The following RYR1 variants were observed in gnomAD, a reference collection of about 807,000 sequenced individuals.
RYR1 encodes the protein central core disease of muscle.
A neutral mutation model predicts 583.5 loss-of-function variants in RYR1; 342 were observed. The ratio of observed to expected loss-of-function variants is 0.59; its 90% CI spans 0.54 to 0.64. RYR1 has a LOEUF of 0.64. RYR1 is among the 30% of genes least tolerant of loss of function. The pLI, the probability that RYR1 is intolerant of heterozygous loss-of-function variation, is 0.00. For missense variants in RYR1, 6,032 were observed against 6,917.2 expected (o/e 0.87, Z 4.54); for synonymous variants, 2,791 against 2,822.5 (o/e 0.99, Z 0.35).
At chr19:38,494,106 C>A (rs952619297) in intron 38 of RYR1, among the ~76,000 whole-genome samples, 11 of 152,072 alleles carry the variant, frequency 7.2e-5, no homozygotes, top group African/African-American at 2.7e-4. Flanking sequence ...GAGTTCGAGG[C>A]TGAAGTGAGC....
intron 84 of RYR1, among the ~76,000 whole-genome samples, chr19:38,538,399 C>CA (rs928638972): frequency 1.9e-4 from 29 of 151,016 alleles, no homozygotes; most frequent in African/African-American, 6.3e-4. Flanking sequence ...AACTCCATCT[C>CA]AAAAAAAAAC....
In RYR1 at chr19:38,444,653, C is replaced by G; in HGVS notation, c.607C>G (p.Pro203Ala). 6.2e-7 allele frequency: 1 copy of G among 1,613,830 alleles called. No individual in the cohort carries two copies. The highest frequency in any genetic ancestry group is 8.5e-7 in the Non-Finnish European group (1 of 1,179,866). The change falls in exon 7 of 106, where the codon CCC (proline) becomes GCC (alanine). Residue 203 changes from proline (P) to alanine (A), a missense_variant. This residue lies in a region of RYR1 where 338 missense variants were observed against 441.6 expected (regional missense o/e 0.77). Coordinates refer to ENST00000359596, the MANE Select transcript of RYR1 (RefSeq NM_000540.3). The surrounding 1 kb of genome is among the most constrained non-coding windows in gnomAD (Gnocchi z 5.1). ...CATGCAGACACTATGGAACATGAAC[C>G]CCATCTGCTCCCGCTGCGAAGAGGG... ...SFMQTLWNMN[P>A]ICSRCEEGFV...
chr19:38,564,952 G>T lies in RYR1; in HGVS notation c.12625-7G>T. ...CGCCCTATCCTGTCTGCCGCCCCTC[G>T]CTTCAGGTGAAGGAGTCCAAGCGCC... On this transcript the variant is annotated splice_region_variant and splice_polypyrimidine_tract_variant and intron_variant, in intron 90 of 105. Coordinates refer to ENST00000359596, the MANE Select transcript of RYR1 (RefSeq NM_000540.3). 1 of 1,573,636 alleles carries T rather than the reference G, an allele frequency of 6.4e-7. No individual in the cohort carries two copies. The highest frequency in any genetic ancestry group is 8.6e-7 in the Non-Finnish European group (1 of 1,160,848).
At chr19:38,586,741 C>T (rs992871418) in intron 105 of RYR1, among the ~76,000 whole-genome samples, 165 bp downstream of exon 105, 10 of 151,988 alleles carry the variant, frequency 6.6e-5, no homozygotes, top group South Asian at 2.1e-4. Flanking sequence ...GAGGCCAAGG[C>T]GGGTGGATTA....
Position 38,455,575 on chromosome 19 carries a change from G to C in RYR1, c.1672+29G>C, listed in dbSNP as rs2288889. On this transcript the variant is annotated intron_variant, in intron 15 of 105. Transcript: ENST00000359596. ...GGAGAACCCGGGGGAGTGGGACAGA[G>C]GCTTGTGGGAGGGGATGGGCATGGC... is the stretch of plus-strand genomic sequence containing the variant. 0.65 allele frequency: 1,053,758 copies of C among 1,611,946 alleles called. 347,871 individuals carry two copies. Among genetic ancestry groups the C allele is most frequent in the Admixed American group, 0.7 (41,726 of 59,980 alleles).
rs769759747 is a variant in RYR1 at position 38,511,733 on chromosome 19, G to A, written c.9172+123G>A. ...GTTGTTTTCTTCCCCTGGACCTGGAGACATGGACCAGGTATCCGGGGGGTA... is the reference window on the plus strand; with the variant it reads ...GTTGTTTTCTTCCCCTGGACCTGGAAACATGGACCAGGTATCCGGGGGGTA... On this transcript the variant is annotated intron_variant, in intron 61 of 105. Coordinates refer to ENST00000359596, the MANE Select transcript of RYR1 (RefSeq NM_000540.3). 9 of 1,203,292 alleles carry A rather than the reference G, an allele frequency of 7.5e-6. No homozygotes were observed. The Admixed American group carries it at 1.0e-4, about 14-fold the overall frequency. 74.5% of individuals were successfully genotyped at this position (1,203,292 alleles called of 1,614,324 possible).
At chr19:38,463,895 G>T in intron 22 of RYR1, 45 bp downstream of exon 22, 1 of 1,411,410 alleles carries the variant, frequency 7.1e-7, no homozygotes, top group Non-Finnish European at 1.0e-6. Context: ...CTGCTGGTGC[G>T]GTGGGGGAGG....
Position 38,515,963 on chromosome 19 carries a change from C to A in RYR1, c.9555-124C>A, listed in dbSNP as rs1466677969. 8 of 1,197,208 alleles carry A rather than the reference C, an allele frequency of 6.7e-6. No individual in the cohort carries two copies. In the African/African-American group the frequency reaches 1.1e-4, roughly 16 times the overall value. 74.2% of individuals were successfully genotyped at this position (1,197,208 alleles called of 1,614,324 possible). ...CTTAAAAAACAAAACAAGTGGCACA[C>A]ATGGATGAATGGCAGCTCTGTCCCA... is the stretch of plus-strand genomic sequence containing the variant. On this transcript the variant is annotated intron_variant, in intron 64 of 105. Transcript: ENST00000359596.
Position 38,478,487 on chromosome 19 carries a change from G to A in RYR1, c.4507G>A (p.Gly1503Arg), listed in dbSNP as rs144747878. The A allele has an allele frequency of 2.6e-5, 42 of 1,613,974 alleles. 1 individual carries two copies. The highest frequency in any genetic ancestry group is 4.4e-5 in the South Asian group (4 of 91,084). The change falls in exon 31 of 106, where the codon GGG (glycine) becomes AGG (arginine). Residue 1503 changes from glycine to arginine, a missense_variant. By Grantham distance (125) the Gly-to-Arg change is moderately radical. This residue lies in a region of RYR1 where 2,627 missense variants were observed against 2,961.3 expected (regional missense o/e 0.89). Transcript: ENST00000359596. Reference sequence around the variant, plus strand: ...GTGGGGCGGAGACTTTGTGAGTCCCGGGCAGCAGGGCCGGATCAGCCACAC... The same window carrying A: ...GTGGGGCGGAGACTTTGTGAGTCCCAGGCAGCAGGGCCGGATCAGCCACAC... ...MVWGGDFVSP[G>R]QQGRISHTDL...
rs58434226 is a variant in RYR1 at position 38,437,058 on chromosome 19, C to CT, written c.45+3194dup. ...CTTCCTTCATTTTTTTTTTCTTTTT[C>CT]TTTTTTTTTTAAGATGGAGTCTTCC... On this transcript the variant is annotated intron_variant, in intron 1 of 105. Coordinates refer to ENST00000359596, the MANE Select transcript of RYR1 (RefSeq NM_000540.3). Among the ~76,000 whole-genome samples, 894 of 145,722 alleles carry CT rather than the reference C, an allele frequency of 6.1e-3. 12 individuals are homozygous for CT. The highest frequency in any genetic ancestry group is 0.021 in the African/African-American group (839 of 39,654).
chr19:38,454,348 C>G (rs1967251754), intron 13 of RYR1, among the ~76,000 whole-genome samples: 1 of 152,184 alleles, frequency 6.6e-6, no homozygotes, highest in Non-Finnish European at 1.5e-5. Context: ...ACAGTTTTGT[C>G]CTTTTTGTTG....
intron 66 of RYR1, among the ~76,000 whole-genome samples, chr19:38,518,398 A>G (rs1429541627): frequency 8.5e-6 from 1 of 118,330 alleles, no homozygotes; most frequent in African/African-American, 3.5e-5. Flanking sequence ...CGTCTCTATT[A>G]TTTAAAAAAA....
chr19:38,584,645 G>GC (rs1264905227), intron 101 of RYR1, among the ~76,000 whole-genome samples: 1 of 68,068 alleles, frequency 1.5e-5, no homozygotes, highest in South Asian at 5.6e-4. Flanking sequence ...CTCTGCCTGT[G>GC]CCCCCCTTAT....
At chr19:38,562,729 C>G (rs1425867214) in intron 90 of RYR1, among the ~76,000 whole-genome samples, 2 of 152,196 alleles carry the variant, frequency 1.3e-5, no homozygotes, top group Non-Finnish European at 2.9e-5. Context: ...TCCTGTCCCC[C>G]CACAGAGTCC....
chr19:38,506,712 G>A, intron 56 of RYR1, 117 bp from the exon 57 acceptor site: 5 of 1,526,130 alleles, frequency 3.3e-6, no homozygotes, highest in Non-Finnish European at 4.5e-6. Context: ...CAATGTTTCC[G>A]TTATTCGTAT....
At position 38,494,616 on chromosome 19, in the gene RYR1, A is replaced by G. The variant is rs1969721899; in HGVS notation, c.6539A>G (p.Gln2180Arg). The G allele has an allele frequency of 6.2e-7, 1 of 1,614,114 alleles. No homozygotes were observed. Among genetic ancestry groups the G allele is most frequent in the Non-Finnish European group, 8.5e-7 (1 of 1,180,036 alleles). ...CCCCAGGAGGAGAACCTCATGATCCAGAGCATCGGGTGAGACACCGCCCTT... is the reference window on the plus strand; with the variant it reads ...CCCCAGGAGGAGAACCTCATGATCCGGAGCATCGGGTGAGACACCGCCCTT... ...MGPQEENLMI[Q>R]SIGNIMNNKV... is the part of the protein sequence containing the mutation. The change falls in exon 39 of 106, where the codon CAG becomes CGG. Residue 2180 changes from glutamine to arginine, a missense_variant. Transcript: ENST00000359596.
At chr19:38,536,285 C>A (rs1971964947) in intron 82 of RYR1, among the ~76,000 whole-genome samples, 1 of 145,838 alleles carries the variant, frequency 6.9e-6, no homozygotes, top group African/African-American at 2.5e-5. Context: ...ACCTCCGCCC[C>A]CCCCCGCCAC....
chr19:38,502,795 G>GGGCAGT (rs1970229044), intron 48 of RYR1, 68 bp downstream of exon 48: 1 of 1,083,334 alleles, frequency 9.2e-7, no homozygotes, highest in African/African-American at 2.4e-5. Context: ...GCAGGGGCAG[G>GGGCAGT]GGCAGGGGCA....
chr19:38,527,986 A>C (rs1600932158), intron 73 of RYR1: 4 of 558,484 alleles, frequency 7.2e-6, no homozygotes, highest in East Asian at 3.1e-5. Context: ...GGGGCGGGAC[A>C]GGGAAGGGGC....
Sources: gnomAD v4.1 joint callset for allele counts (sites outside exome capture counted in the v4.1 genomes callset) on GRCh38, gnomAD v4.1.1 for gene constraint, gnomAD v4.1.1 regional missense constraint, Gnocchi (gnomAD v3.1) non-coding constraint, MANE v1.5 for transcripts, NCBI Gene and HGNC (gene_info 2026-07-23, HGNC 2026-07-21) for gene names.